Variants in SPG21 observed in about 807,000 individuals in gnomAD.
The protein encoded by SPG21 is SPG21 abhydrolase domain containing, maspardin, also known as maspardin.
Under a neutral mutation model 38.9 loss-of-function variants are expected in SPG21, and 26 were observed. That is an observed-to-expected ratio of 0.67 (90% CI 0.49 to 0.93). The LOEUF is 0.93. Ranked by LOEUF, SPG21 falls within the 40% of genes least tolerant of loss-of-function variation. The pLI, the probability that SPG21 is intolerant of heterozygous loss-of-function variation, is 0.00. For missense variants in SPG21, 333 were observed against 376.5 expected (o/e 0.88, Z 0.96); for synonymous variants, 136 against 128.9 (o/e 1.05, Z -0.37).
chr15:64,970,444 TAA>T (rs2085639185), intron 5 of SPG21, among the ~76,000 whole-genome samples: 1 of 152,226 alleles, frequency 6.6e-6, no homozygotes. Context: ...AGGATAATTA[TAA>T]GAGATATTTC....
At chr15:64,983,240 C>T (rs543501009) in intron 2 of SPG21, 13 of 187,002 alleles carry the variant, frequency 7.0e-5, no homozygotes, top group South Asian at 1.1e-4. Context: ...CCAGCCTGGA[C>T]GGCAGAGCGA....
intron 3 of SPG21, among the ~76,000 whole-genome samples, chr15:64,976,938 T>C (rs977843269): frequency 6.6e-6 from 1 of 152,244 alleles, no homozygotes; most frequent in South Asian, 2.1e-4. Flanking sequence ...TCAGGAGAGA[T>C]GGAAACAAAA....
intron 2 of SPG21, among the ~76,000 whole-genome samples, chr15:64,982,142 CTTTTTTTTTT>C (rs56118434): frequency 8.7e-6 from 1 of 114,626 alleles, no homozygotes; most frequent in African/African-American, 3.3e-5. Flanking sequence ...CTTTTCTTTT[CTTTTTTTTTT>C]TTTTTTTTTT....
intron 6 of SPG21, among the ~76,000 whole-genome samples, 156 bp from the exon 7 acceptor site, chr15:64,969,518 T>C (rs775176438): frequency 6.6e-6 from 1 of 152,166 alleles, no homozygotes; most frequent in Non-Finnish European, 1.5e-5. Flanking sequence ...TGAGAGACCA[T>C]GAACTGGGCT....
At chr15:64,974,888 A>T in intron 4 of SPG21, 141 bp from the exon 5 acceptor site, 5 of 936,102 alleles carry the variant, frequency 5.3e-6, no homozygotes, top group Non-Finnish European at 8.3e-6. Flanking sequence ...GCAGCTAGAA[A>T]TTTAGAAAAT....
chr15:64,972,742 G>C (rs541325419), intron 5 of SPG21, among the ~76,000 whole-genome samples: 1 of 152,312 alleles, frequency 6.6e-6, no homozygotes, highest in South Asian at 2.1e-4. Context: ...TGAGGCAGGA[G>C]AATGGCGTGA....
rs969001964 is a variant in SPG21, at chr15:64,989,880, C to G, written c.-240G>C. The G allele has an allele frequency of 3.9e-5, 6 of 152,038 alleles. No homozygotes were observed. Among genetic ancestry groups the G allele is most frequent in the African/African-American group, 9.7e-5 (4 of 41,402 alleles). 9.4% of individuals were successfully genotyped at this position (152,038 alleles called of 1,614,324 possible). ...GCGAGCTTGGGCCGCCGCGCTCCCCCCGCCCGACCGCCGCTCAGCTGGCGC... is the reference window on the plus strand; with the variant it reads ...GCGAGCTTGGGCCGCCGCGCTCCCCGCGCCCGACCGCCGCTCAGCTGGCGC... On this transcript the variant is annotated 5_prime_UTR_variant, in exon 1 of 9. Transcript: ENST00000204566.
In SPG21 at chr15:64,963,254, A is replaced by AGAAAGAAGAATGGAAAAG. The variant is rs2085482966; in HGVS notation, c.*348_*365dup. The AGAAAGAAGAATGGAAAAG allele has an allele frequency of 4.8e-6, 1 of 210,304 alleles. No individual in the cohort carries two copies. The highest frequency in any genetic ancestry group is 5.3e-5 in the Admixed American group (1 of 18,756). The allele number at this position is 210,304 out of a possible 1,614,324, so 13.0% of individuals were successfully genotyped here. A position where few individuals can be genotyped will look rare whatever the true frequency, so the allele number is the denominator to read the frequency against. On this transcript the variant is annotated 3_prime_UTR_variant, in exon 9 of 9. Coordinates refer to ENST00000204566, the MANE Select transcript of SPG21 (RefSeq NM_016630.7). Reference sequence around the variant, plus strand: ...TTTACAGCAAACAACATAAAAAGAAAGAAAGAAGAATGGAAAAGAAAAGAA... The same window carrying AGAAAGAAGAATGGAAAAG: ...TTTACAGCAAACAACATAAAAAGAAAGAAAGAAGAATGGAAAAGGAAAGAAGAATGGAAAAGAAAAGAA...
intron 1 of SPG21, among the ~76,000 whole-genome samples, chr15:64,984,852 C>T (rs1437037105): frequency 6.6e-6 from 1 of 151,196 alleles, no homozygotes; most frequent in African/African-American, 2.4e-5. Context: ...CAAGTTCAAG[C>T]GATTCTCCTG....
At chr15:64,976,744 A>C (rs1566928808) in intron 3 of SPG21, among the ~76,000 whole-genome samples, 189 bp from the exon 4 acceptor site, 1 of 152,242 alleles carries the variant, frequency 6.6e-6, no homozygotes, top group Non-Finnish European at 1.5e-5. Context: ...CTAACAGACC[A>C]AATTAAAAGA....
At chr15:64,975,027 C>T (rs1398634275) in intron 4 of SPG21, among the ~76,000 whole-genome samples, 1 of 152,074 alleles carries the variant, frequency 6.6e-6, no homozygotes, top group Non-Finnish European at 1.5e-5. Context: ...CGGTGGCTCA[C>T]ACCTGTAATC....
At chr15:64,973,538 G>A (rs1033029046) in intron 5 of SPG21, among the ~76,000 whole-genome samples, 4 of 151,444 alleles carry the variant, frequency 2.6e-5, no homozygotes, top group African/African-American at 9.7e-5. Flanking sequence ...CACAACCTCC[G>A]CATCCTGGGT....
At chr15:64,987,753 G>A (rs1566934152) in intron 1 of SPG21, among the ~76,000 whole-genome samples, 1 of 152,214 alleles carries the variant, frequency 6.6e-6, no homozygotes, top group Non-Finnish European at 1.5e-5. Flanking sequence ...TGCCAGTTGT[G>A]GCTGGGTGCA....
At chr15:64,964,016 C>T (rs978846186) in intron 8 of SPG21, among the ~76,000 whole-genome samples, 2 of 152,230 alleles carry the variant, frequency 1.3e-5, no homozygotes, top group South Asian at 4.2e-4. Context: ...CTCGGCCTCC[C>T]AAAGTGCCAG....
chr15:64,977,345 G>C (rs772454025), intron 3 of SPG21, among the ~76,000 whole-genome samples: 37 of 151,500 alleles, frequency 2.4e-4, no homozygotes, highest in Non-Finnish European at 4.7e-4. Context: ...AATTTTAGGC[G>C]TGAGTCACTC....
chr15:64,964,671 C>A (rs921770308), intron 8 of SPG21, among the ~76,000 whole-genome samples: 9 of 151,922 alleles, frequency 5.9e-5, no homozygotes, highest in Non-Finnish European at 1.5e-5. Context: ...TGTTCTGTTG[C>A]CCAGGCTGGA....
At chr15:64,981,247 T>C (rs1410423844) in intron 2 of SPG21, 1 of 534,348 alleles carries the variant, frequency 1.9e-6, no homozygotes, top group Non-Finnish European at 3.3e-6. Context: ...TACTTTATAA[T>C]CTTCCAAAGG....
chr15:64,966,566 T>C (rs1295783295), intron 7 of SPG21, among the ~76,000 whole-genome samples: 1 of 152,154 alleles, frequency 6.6e-6, no homozygotes, highest in Non-Finnish European at 1.5e-5. Context: ...GTTTACACGC[T>C]TATAATGAAT....
intron 7 of SPG21, 118 bp downstream of exon 7, chr15:64,969,137 C>T (rs2085607938): frequency 2.7e-6 from 2 of 746,510 alleles, no homozygotes; most frequent in South Asian, 3.1e-5. Flanking sequence ...AGGGTAAAAA[C>T]AAAAGCCAAG....
Sources: gnomAD v4.1 joint callset for allele counts (sites outside exome capture counted in the v4.1 genomes callset) on GRCh38, gnomAD v4.1.1 for gene constraint, MANE v1.5 for transcripts, NCBI Gene and HGNC (gene_info 2026-07-23, HGNC 2026-07-21) for gene names.